The following TRABD2B variants were observed in gnomAD, a reference collection of about 807,000 sequenced individuals.
The protein encoded by TRABD2B is metalloprotease TIKI2.
A neutral mutation model predicts 40.1 loss-of-function variants in TRABD2B; 14 were observed. That is an observed-to-expected ratio of 0.35 (90% CI 0.23 to 0.55). The LOEUF (loss-of-function observed/expected upper bound fraction) is 0.55. Ranked by LOEUF, TRABD2B falls within the 20% of genes least tolerant of loss-of-function variation. The pLI is 0.90. For missense variants in TRABD2B, 541 were observed against 648.6 expected, an observed-to-expected ratio of 0.83 and a Z score of 1.80; for synonymous variants, 263 against 277.0, an observed-to-expected ratio of 0.95 and a Z score of 0.50.
chr1:47,787,695 G>A (rs1644615405), intron 4 of TRABD2B, among the ~76,000 whole-genome samples: 1 of 152,230 alleles, frequency 6.6e-6, no homozygotes, highest in Admixed American at 6.5e-5. Flanking sequence ...GGCAGAAGAT[G>A]TAGGTTTTAG....
intron 3 of TRABD2B, chr1:47,795,667 C>A (rs1265841450): frequency 1.0e-5 from 10 of 985,268 alleles, no homozygotes; most frequent in Non-Finnish European, 1.2e-5. Context: ...GGGCTACATT[C>A]AGCACATGCC....
chr1:47,983,512 A>C (rs1645872086), intron 2 of TRABD2B, among the ~76,000 whole-genome samples: 1 of 152,182 alleles, frequency 6.6e-6, no homozygotes, highest in Admixed American at 6.5e-5. Flanking sequence ...AGTCAAGGTC[A>C]AGCACAATGA....
At chr1:47,823,130 AT>A (rs775770391) in intron 2 of TRABD2B, among the ~76,000 whole-genome samples, 6 of 152,238 alleles carry the variant, frequency 3.9e-5, no homozygotes, top group Non-Finnish European at 7.3e-5. Flanking sequence ...GTGCTCATGC[AT>A]CCCCTGGGAC....
At chr1:47,810,883 G>A (rs1644955729) in intron 2 of TRABD2B, among the ~76,000 whole-genome samples, 1 of 152,224 alleles carries the variant, frequency 6.6e-6, no homozygotes. Flanking sequence ...AAGGGTGGGC[G>A]GAGGTAAGAA....
chr1:47,822,402 A>C (rs1419301138), intron 2 of TRABD2B, among the ~76,000 whole-genome samples: 1 of 152,240 alleles, frequency 6.6e-6, no homozygotes, highest in Non-Finnish European at 1.5e-5. Context: ...TTGGGACTCA[A>C]ACAGGCTTTT....
At chr1:47,803,385 C>A (rs1644849376) in intron 2 of TRABD2B, among the ~76,000 whole-genome samples, 1 of 152,234 alleles carries the variant, frequency 6.6e-6, no homozygotes, top group Admixed American at 6.5e-5. Context: ...GATGCTGCTG[C>A]TGCTGTCTGC....
intron 2 of TRABD2B, among the ~76,000 whole-genome samples, chr1:47,826,201 C>A (rs2124429525): frequency 1.3e-5 from 2 of 152,278 alleles, no homozygotes; most frequent in East Asian, 3.9e-4. Flanking sequence ...GGAGCTGAGC[C>A]ACAGACTTAA....
chr1:47,951,020 A>T (rs150964638), intron 2 of TRABD2B, among the ~76,000 whole-genome samples: 1 of 152,302 alleles, frequency 6.6e-6, no homozygotes, highest in Admixed American at 6.5e-5. Context: ...ATTTTTATGA[A>T]CTAAATGTCC....
chr1:47,893,222 T>C (rs548791099), intron 2 of TRABD2B, among the ~76,000 whole-genome samples: 10 of 152,018 alleles, frequency 6.6e-5, no homozygotes, highest in Non-Finnish European at 1.3e-4. Context: ...TGATTATATA[T>C]AGTTTTCAAA....
chr1:47,827,184 C>T (rs1348254845), intron 2 of TRABD2B, among the ~76,000 whole-genome samples: 1 of 152,254 alleles, frequency 6.6e-6, no homozygotes, highest in Admixed American at 6.5e-5. Flanking sequence ...GCTCCCCAAA[C>T]TCAGCCTCCG....
At position 47,994,479 on chromosome 1, in the gene TRABD2B, G is replaced by A. The variant is rs1044629473; in HGVS notation, c.221C>T (p.Ala74Val). Reference protein sequence around the residue: ...VWDFIPDNSKAAFQASTRVYF... With the variant: ...VWDFIPDNSKVAFQASTRVYF... ...GACACGGGTGCTAGCCTGGAAGGCT[G>A]CCTTGGAGTTGTCCGGGATGAAGTC... The change falls in exon 2 of 7, where the codon GCA (alanine) becomes GTA (valine). Residue 74 changes from alanine (A) to valine (V), a missense_variant. Ala to Val is a moderately conservative substitution (Grantham distance 64). Coordinates refer to ENST00000606738, the MANE Select transcript of TRABD2B (RefSeq NM_001194986.2). This position sits in a 1 kb window ranked among gnomAD's most constrained non-coding sequence, Gnocchi z 6.7. 5 of 1,536,190 alleles carry A rather than the reference G, an allele frequency of 3.3e-6. No individual in the cohort carries two copies. Among genetic ancestry groups the A allele is most frequent in the Non-Finnish European group, 4.4e-6 (5 of 1,146,920 alleles).
At chr1:47,980,682 C>T (rs567213478) in intron 2 of TRABD2B, among the ~76,000 whole-genome samples, 8 of 152,330 alleles carry the variant, frequency 5.3e-5, no homozygotes, top group African/African-American at 1.9e-4. Context: ...GGTGGCATTA[C>T]AAATTTGGCA....
intron 2 of TRABD2B, among the ~76,000 whole-genome samples, chr1:47,839,751 A>T (rs1645370121): frequency 6.6e-6 from 1 of 152,234 alleles, no homozygotes; most frequent in African/African-American, 2.4e-5. Context: ...TATAATGGCC[A>T]GCAATAAATG....
At chr1:47,820,761 A>C (rs1157111252) in intron 2 of TRABD2B, among the ~76,000 whole-genome samples, 1 of 146,480 alleles carries the variant, frequency 6.8e-6, no homozygotes, top group Non-Finnish European at 1.5e-5. Context: ...CATTTATTCA[A>C]TACTGAGAAG....
chr1:47,977,776 G>A (rs1345708071), intron 2 of TRABD2B, among the ~76,000 whole-genome samples: 1 of 152,042 alleles, frequency 6.6e-6, no homozygotes, highest in Non-Finnish European at 1.5e-5. Context: ...GAATTGAAAA[G>A]TATGCCTCTG....
chr1:47,894,020 T>C (rs1449154333), intron 2 of TRABD2B, among the ~76,000 whole-genome samples: 2 of 152,232 alleles, frequency 1.3e-5, no homozygotes, highest in Non-Finnish European at 2.9e-5. Context: ...AACTTACTTA[T>C]ATTGTCAGCC....
intron 4 of TRABD2B, among the ~76,000 whole-genome samples, chr1:47,792,051 T>C (rs1644680837): frequency 6.6e-6 from 1 of 152,200 alleles, no homozygotes; most frequent in Admixed American, 6.5e-5. Flanking sequence ...GGAGATCTGC[T>C]GTGCAGAGTG....
chr1:47,774,287 T>C (rs1239116039), intron 6 of TRABD2B, among the ~76,000 whole-genome samples: 1 of 152,190 alleles, frequency 6.6e-6, no homozygotes, highest in South Asian at 2.1e-4. Flanking sequence ...CTCCCCCTGA[T>C]AGAGACTCTG....
chr1:47,994,849 G>T lies in TRABD2B; in HGVS notation c.103-252C>A, dbSNP rs1223167108. Among the ~76,000 whole-genome samples the T allele has an allele frequency of 6.6e-6, 1 of 152,166 alleles. No homozygotes were observed. The highest frequency in any genetic ancestry group is 1.5e-5 in the Non-Finnish European group (1 of 68,030). On this transcript the variant is annotated intron_variant, in intron 1 of 6. Transcript: ENST00000606738. This position sits in a 1 kb window ranked among gnomAD's most constrained non-coding sequence, Gnocchi z 6.7. Reference sequence around the variant, plus strand: ...CAGTTTCCTCATCTGTAAAATGGGGGTGAAAGCAACTACCTCGGGTTGTTG... The same window carrying T: ...CAGTTTCCTCATCTGTAAAATGGGGTTGAAAGCAACTACCTCGGGTTGTTG...
Sources: allele counts gnomAD v4.1 joint callset (sites outside exome capture counted in the v4.1 genomes callset), GRCh38; gene constraint gnomAD v4.1.1; non-coding constraint Gnocchi (gnomAD v3.1); transcripts MANE v1.5; gene names NCBI Gene and HGNC (gene_info 2026-07-23, HGNC 2026-07-21).